The following SMAD3 variants were observed in gnomAD, a reference collection of about 807,000 sequenced individuals.
SMAD3 encodes the protein MAD homolog 3.
A neutral mutation model predicts 51.8 loss-of-function variants in SMAD3; 12 were observed. That is an observed-to-expected ratio of 0.23 (90% CI 0.15 to 0.38). The LOEUF is 0.38. SMAD3 is among the 10% of genes least tolerant of loss of function. The probability of loss-of-function intolerance (pLI) is 1.00; values close to 1 mark genes in which losing one functional copy is unlikely to be tolerated. For missense variants in SMAD3, 294 were observed against 565.6 expected, an observed-to-expected ratio of 0.52 and a Z score of 4.87; for synonymous variants, 238 against 227.7, an observed-to-expected ratio of 1.05 and a Z score of -0.41.
At chr15:67,138,107 G>A in intron 1 of SMAD3, 1 of 1,549,502 alleles carries the variant, frequency 6.5e-7, no homozygotes, top group African/African-American at 1.4e-5. Context: ...GGAGGTAGGA[G>A]CCCCGTGCCG....
intron 1 of SMAD3, among the ~76,000 whole-genome samples, chr15:67,134,373 C>A (rs2140256212): frequency 6.6e-6 from 1 of 152,298 alleles, no homozygotes; most frequent in Middle Eastern, 3.4e-3. Context: ...TGCCATCCAG[C>A]CATCGGAGAG....
intron 1 of SMAD3, among the ~76,000 whole-genome samples, chr15:67,092,924 A>T (rs1047447802): frequency 3.9e-5 from 6 of 152,178 alleles, no homozygotes; most frequent in African/African-American, 1.4e-4. Flanking sequence ...CTTCTGCATC[A>T]TGGAAAATGG....
At chr15:67,072,223 T>G (rs558973906) in intron 1 of SMAD3, among the ~76,000 whole-genome samples, 3 of 152,244 alleles carry the variant, frequency 2.0e-5, no homozygotes, top group African/African-American at 7.2e-5. Context: ...TTTAATGAAC[T>G]GAGCGACCAT....
At chr15:67,184,636 C>A in intron 6 of SMAD3, 91 bp from the exon 7 acceptor site, 1 of 1,502,654 alleles carries the variant, frequency 6.7e-7, no homozygotes, top group Non-Finnish European at 9.2e-7. Flanking sequence ...AGCAGCTCTG[C>A]TGTTCTGCCT....
chr15:67,066,838 G>A (rs1016444946), intron 1 of SMAD3, among the ~76,000 whole-genome samples: 7 of 152,238 alleles, frequency 4.6e-5, no homozygotes, highest in African/African-American at 9.6e-5. Flanking sequence ...ACAGGAATGC[G>A]GTCCGTACAG....
intron 1 of SMAD3, among the ~76,000 whole-genome samples, chr15:67,127,351 A>G (rs1201217701): frequency 6.6e-6 from 1 of 152,162 alleles, no homozygotes; most frequent in Admixed American, 6.5e-5. Flanking sequence ...GACAGGCTTG[A>G]CACAGCTAGC....
chr15:67,161,895 C>T (rs937621589), intron 1 of SMAD3, among the ~76,000 whole-genome samples: 1 of 152,146 alleles, frequency 6.6e-6, no homozygotes, highest in Non-Finnish European at 1.5e-5. Context: ...CCCTCCTTTA[C>T]CCCAGGTCTT....
rs180825191 is a variant in SMAD3, at chr15:67,171,357, C to T, written c.658+753C>T. Among the ~76,000 whole-genome samples, 210 of 152,300 alleles carry T rather than the reference C, an allele frequency of 1.4e-3. 1 individual carries two copies. The highest frequency in any genetic ancestry group is 4.9e-3 in the African/African-American group (204 of 41,568). On this transcript the variant is annotated intron_variant, in intron 5 of 8. Transcript: ENST00000327367. ...GACTGCTGGGTCAGTTTTTCCAAGA[C>T]TCAATTTTCTAACCCAGTAGGGTCC...
At chr15:67,103,773 T>C (rs1776775280) in intron 1 of SMAD3, among the ~76,000 whole-genome samples, 1 of 152,228 alleles carries the variant, frequency 6.6e-6, no homozygotes, top group Non-Finnish European at 1.5e-5. Flanking sequence ...CCTCCAACTG[T>C]CAGTGCTTCT....
At chr15:67,125,005 A>G (rs745472815) in intron 1 of SMAD3, among the ~76,000 whole-genome samples, 9 of 152,254 alleles carry the variant, frequency 5.9e-5, no homozygotes, top group Non-Finnish European at 1.2e-4. Flanking sequence ...GGTTATAACC[A>G]GGGTGCTCTG....
chr15:67,140,686 G>A (rs1961794975), intron 1 of SMAD3, among the ~76,000 whole-genome samples: 1 of 152,154 alleles, frequency 6.6e-6, no homozygotes, highest in Non-Finnish European at 1.5e-5. Flanking sequence ...GAACAAACGG[G>A]GGTTTGTGGT....
At chr15:67,114,445 A>G (rs575719844) in intron 1 of SMAD3, among the ~76,000 whole-genome samples, 6 of 152,180 alleles carry the variant, frequency 3.9e-5, no homozygotes, top group Non-Finnish European at 8.8e-5. Flanking sequence ...AACTGATTAC[A>G]TGTCATATTG....
chr15:67,113,076 G>GTGTATATATATA (rs763595789), intron 1 of SMAD3, among the ~76,000 whole-genome samples: 2,406 of 34,844 alleles, frequency 0.069, 396 homozygotes, highest in Admixed American at 0.11. Flanking sequence ...ATATATATGT[G>GTGTATATATATA]TATATATATA....
intron 1 of SMAD3, among the ~76,000 whole-genome samples, chr15:67,106,745 C>T (rs563492908): frequency 9.6e-4 from 146 of 152,284 alleles, no homozygotes; most frequent in African/African-American, 3.3e-3. Context: ...CTCCGTTACC[C>T]GCGTGGTAGC....
At chr15:67,125,805 AGC>A (rs1961370267) in intron 1 of SMAD3, 4 of 985,456 alleles carry the variant, frequency 4.1e-6, no homozygotes, top group Non-Finnish European at 3.6e-6. Flanking sequence ...GCTGGGCTGA[AGC>A]GCACTGACCA....
intron 5 of SMAD3, among the ~76,000 whole-genome samples, chr15:67,177,524 G>A (rs1962938093): frequency 6.9e-6 from 1 of 144,812 alleles, no homozygotes; most frequent in Non-Finnish European, 1.5e-5. Flanking sequence ...CTGGGTTCAA[G>A]TGATTCTCCT....
chr15:67,183,723 G>A (rs2140318469), intron 6 of SMAD3, among the ~76,000 whole-genome samples: 1 of 152,306 alleles, frequency 6.6e-6, no homozygotes, highest in South Asian at 2.1e-4. Context: ...GCCGAGCAAA[G>A]AGCTCATTGT....
chr15:67,173,663 G>A (rs2140304629), intron 5 of SMAD3, among the ~76,000 whole-genome samples: 1 of 152,230 alleles, frequency 6.6e-6, no homozygotes, highest in East Asian at 1.9e-4. Context: ...GTTTTCTGAT[G>A]ACAGCTTCAT....
intron 1 of SMAD3, among the ~76,000 whole-genome samples, chr15:67,099,832 A>G (rs1247907067): frequency 6.6e-6 from 1 of 152,264 alleles, no homozygotes; most frequent in Non-Finnish European, 1.5e-5. Flanking sequence ...TGATTTACTT[A>G]GCAATTAATT....
Sources: allele counts gnomAD v4.1 joint callset (sites outside exome capture counted in the v4.1 genomes callset), GRCh38; gene constraint gnomAD v4.1.1; transcripts MANE v1.5; gene names NCBI Gene and HGNC (gene_info 2026-07-23, HGNC 2026-07-21).